ZNF221: variants seen among roughly 807,000 people sequenced by gnomAD.
The protein encoded by ZNF221 is zinc finger protein 221.
ZNF221 carries 10 observed loss-of-function variants against 12.6 expected under a neutral mutation model. The observed-to-expected ratio is 0.79, with a 90% CI of 0.49 to 1.34. The LOEUF (loss-of-function observed/expected upper bound fraction) is 1.34. ZNF221 is among the 40% of genes most tolerant of loss of function. ZNF221 has a pLI of 0.00. For missense variants in ZNF221, 661 were observed against 721.4 expected, an observed-to-expected ratio of 0.92 and a Z score of 0.96; for synonymous variants, 232 against 244.0, an observed-to-expected ratio of 0.95 and a Z score of 0.46.
chr19:43,981,372 G>C, the ZNF221 span, among the ~76,000 whole-genome samples: 1 of 152,130 alleles, frequency 6.6e-6, no homozygotes, highest in Non-Finnish European at 1.5e-5. Flanking sequence ...AAGGCAACTT[G>C]ACAATATGCA....
the ZNF221 span, among the ~76,000 whole-genome samples, chr19:43,976,535 T>TA: frequency 4.6e-5 from 7 of 151,692 alleles, no homozygotes; most frequent in East Asian, 1.9e-4. Flanking sequence ...AGACTTCATC[T>TA]AAAAAAAAAT....
chr19:43,958,039 G>T (rs1226424279), intron 1 of ZNF221, among the ~76,000 whole-genome samples: 1 of 152,210 alleles, frequency 6.6e-6, no homozygotes, highest in Non-Finnish European at 1.5e-5. Context: ...AACTTAGGAT[G>T]TCTTTGGTTG....
intron 1 of ZNF221, among the ~76,000 whole-genome samples, chr19:43,957,868 G>A (rs1274415918): frequency 2.0e-5 from 3 of 152,176 alleles, no homozygotes; most frequent in African/African-American, 7.2e-5. Context: ...GTTTTAAGTG[G>A]GGTCTTGTGA....
At chr19:43,975,920 T>G in the ZNF221 span, among the ~76,000 whole-genome samples, 1 of 152,152 alleles carries the variant, frequency 6.6e-6, no homozygotes, top group East Asian at 1.9e-4. Flanking sequence ...TGATTGTATA[T>G]AGTATAAATT....
rs143473104 is a variant in ZNF221 at position 43,967,029 on chromosome 19, A to G, written c.1527A>G (p.Glu509=). 289 of 1,597,652 alleles carry G rather than the reference A, an allele frequency of 1.8e-4. 2 individuals are homozygous for G. The East Asian group carries it at 5.1e-3, about 28-fold the overall frequency. Residue 509 remains glutamate (E), a synonymous_variant, in exon 5 of 5, where the codon GAA becomes GAG. Coordinates refer to ENST00000587682, the MANE Select transcript of ZNF221 (RefSeq NM_001297588.2). ...LHSGEKPFKC[E]ECGKRFTQSS... Reference sequence around the variant, plus strand: ...GTGGGGAAAAACCTTTCAAATGTGAAGAGTGTGGAAAGAGATTTACTCAGA... The same window carrying G: ...GTGGGGAAAAACCTTTCAAATGTGAGGAGTGTGGAAAGAGATTTACTCAGA...
At chr19:43,971,614 T>G (rs569416053), downstream of ZNF221, among the ~76,000 whole-genome samples, 20 of 148,022 alleles carry the variant, frequency 1.4e-4, 1 homozygote, top group East Asian at 3.8e-3. Flanking sequence ...AATCCTAGTT[T>G]TTGACAAAAC....
chr19:43,961,375 A>C (rs1164744803), intron 1 of ZNF221, among the ~76,000 whole-genome samples: 1 of 152,226 alleles, frequency 6.6e-6, no homozygotes, highest in Non-Finnish European at 1.5e-5. Flanking sequence ...TTTCTGCATC[A>C]AGGAACCCCA....
At chr19:43,968,660 C>G (rs1599822668), downstream of ZNF221, among the ~76,000 whole-genome samples, 9 of 152,328 alleles carry the variant, frequency 5.9e-5, 1 homozygote, top group South Asian at 1.9e-3. Context: ...CAGATAAATT[C>G]AGCACCTTCA....
intron 1 of ZNF221, 104 bp from the exon 2 acceptor site, chr19:43,962,621 T>C (rs1974863967): frequency 1.8e-6 from 2 of 1,127,534 alleles, no homozygotes; most frequent in Admixed American, 3.6e-5. Flanking sequence ...GTAATGCTGC[T>C]ATGAACATTC....
At chr19:43,952,807 C>A (rs932509441) in intron 1 of ZNF221, among the ~76,000 whole-genome samples, 1 of 152,134 alleles carries the variant, frequency 6.6e-6, no homozygotes, top group Admixed American at 6.5e-5. Context: ...ACTTTGTCAA[C>A]TATTTTTTTT....
rs562929317 is a variant in ZNF221, at chr19:43,966,572, C to T, written c.1070C>T (p.Ser357Phe). ...FRQRSALNSH[S>F]MVHIEEKPYK... ...CAGAGATCAGCACTTAATAGTCATT[C>T]CATGGTCCACATAGAAGAGAAGCCA... is the stretch of plus-strand genomic sequence containing the variant. Residue 357 changes from serine to phenylalanine, a missense_variant, in exon 5 of 5, where the codon TCC becomes TTC. Physicochemically the swap from Ser to Phe is radical, Grantham distance 155. Coordinates refer to ENST00000587682, the MANE Select transcript of ZNF221 (RefSeq NM_001297588.2). The T allele has an allele frequency of 6.2e-7, 1 of 1,614,026 alleles. No individual in the cohort carries two copies. The highest frequency in any genetic ancestry group is 8.5e-7 in the Non-Finnish European group (1 of 1,180,000).
chr19:43,953,048 C>G (rs1974699411), intron 1 of ZNF221, among the ~76,000 whole-genome samples: 1 of 152,030 alleles, frequency 6.6e-6, no homozygotes, highest in Non-Finnish European at 1.5e-5. Context: ...CTCACTGCAA[C>G]CTCCACTTCC....
At chr19:43,954,083 C>CAAAAAAA (rs5828186) in intron 1 of ZNF221, among the ~76,000 whole-genome samples, 3 of 86,670 alleles carry the variant, frequency 3.5e-5, no homozygotes, top group Admixed American at 1.4e-4. Context: ...GACTCCGTCT[C>CAAAAAAA]AAAAAAAAAA....
chr19:43,965,860 T>G lies in ZNF221; in HGVS notation c.358T>G (p.Trp120Gly). Residue 120 changes from tryptophan to glycine, a missense_variant, in exon 5 of 5, where the codon TGG becomes GGG. Coordinates refer to ENST00000587682, the MANE Select transcript of ZNF221 (RefSeq NM_001297588.2). ...TVPEAGPHEEWSCQQIWEQIA... is the reference protein window; with the variant it reads ...TVPEAGPHEEGSCQQIWEQIA... ...TCCAGAAGCAGGACCACATGAAGAG[T>G]GGTCCTGTCAGCAAATATGGGAACA... is the stretch of plus-strand genomic sequence containing the variant. 6.2e-7 allele frequency: 1 copy of G among 1,613,396 alleles called. No homozygotes were observed.
chr19:43,978,947 T>G, the ZNF221 span, among the ~76,000 whole-genome samples: 16 of 151,050 alleles, frequency 1.1e-4, no homozygotes, highest in East Asian at 2.5e-3. Flanking sequence ...TTTTTTTTTT[T>G]TTTTTTTTTT....
chr19:43,966,663 C>A lies in ZNF221; in HGVS notation c.1161C>A (p.Val387=). Residue 387 remains valine, a synonymous_variant, in exon 5 of 5, where the codon GTC becomes GTA. Transcript: ENST00000587682. The part of the protein sequence containing the change: ...CRRDFCKHQM[V]HTGEKPYNCK... ...GAGATTTTTGTAAGCATCAGATGGTCCACACAGGAGAGAAACCATATAATT... is the reference window on the plus strand; with the variant it reads ...GAGATTTTTGTAAGCATCAGATGGTACACACAGGAGAGAAACCATATAATT... 6.2e-7 allele frequency: 1 copy of A among 1,613,084 alleles called. No homozygotes were observed. Among genetic ancestry groups the A allele is most frequent in the Non-Finnish European group, 8.5e-7 (1 of 1,179,742 alleles).
At chr19:43,973,200 C>G in the ZNF221 span, among the ~76,000 whole-genome samples, 1 of 152,072 alleles carries the variant, frequency 6.6e-6, no homozygotes, top group African/African-American at 2.4e-5. Flanking sequence ...ATTCAACATC[C>G]CTTCATGCTA....
chr19:43,961,553 A>G (rs749460731), intron 1 of ZNF221, among the ~76,000 whole-genome samples: 3 of 152,188 alleles, frequency 2.0e-5, no homozygotes, highest in African/African-American at 4.8e-5. Flanking sequence ...TCTGTTACCT[A>G]TTAGATATGG....
chr19:43,965,063 C>T lies in ZNF221; in HGVS notation c.195C>T (p.Asn65=), dbSNP rs199624491. 90 of 1,614,140 alleles carry T rather than the reference C, an allele frequency of 5.6e-5. No individual in the cohort carries two copies. Among genetic ancestry groups the T allele is most frequent in the Admixed American group, 5.3e-4 (32 of 60,022 alleles). Residue 65 remains asparagine, a synonymous_variant, in exon 3 of 5, where the codon AAC becomes AAT. Coordinates refer to ENST00000587682, the MANE Select transcript of ZNF221 (RefSeq NM_001297588.2). ...ATGTGATGCTAGAGAACTTCAGGAA[C>T]CTGCTCTCAGTAGGTGAGGACAGGC... ...YRDVMLENFR[N]LLSVGNQPFH... is the part of the protein sequence containing the mutation.
Sources: allele counts gnomAD v4.1 joint callset (sites outside exome capture counted in the v4.1 genomes callset), GRCh38; gene constraint gnomAD v4.1.1; transcripts MANE v1.5; gene names NCBI Gene and HGNC (gene_info 2026-07-23, HGNC 2026-07-21).